Variants in TLN2 observed in about 807,000 individuals in gnomAD.
TLN2 encodes talin-2.
A neutral mutation model predicts 294.7 loss-of-function variants in TLN2; 118 were observed. The ratio of observed to expected loss-of-function variants is 0.40; its 90% CI spans 0.34 to 0.47. The LOEUF (loss-of-function observed/expected upper bound fraction) is 0.47. Among genes scored for constraint, TLN2 ranks in the 20% least tolerant of loss-of-function variants. The pLI is 0.84. For synonymous variants in TLN2, 1,431 were observed against 1,304.5 expected, an observed-to-expected ratio of 1.10 and a Z score of -2.09; for missense variants, 3,083 against 3,282.2, an observed-to-expected ratio of 0.94 and a Z score of 1.48.
intron 1 of TLN2, among the ~76,000 whole-genome samples, chr15:62,505,091 G>C (rs2039535742): frequency 1.3e-5 from 2 of 151,960 alleles, no homozygotes; most frequent in African/African-American, 2.4e-5. Context: ...CGAGTAGCTG[G>C]GATTACAGGC....
chr15:62,576,333 A>C (rs1025012223), intron 1 of TLN2, among the ~76,000 whole-genome samples: 9 of 152,166 alleles, frequency 5.9e-5, no homozygotes, highest in African/African-American at 2.2e-4. Context: ...GGGAGATGAT[A>C]TGTAACATGT....
At chr15:62,400,798 G>A (rs948383155) in intron 1 of TLN2, among the ~76,000 whole-genome samples, 2 of 151,006 alleles carry the variant, frequency 1.3e-5, no homozygotes, top group African/African-American at 4.9e-5. Context: ...GTCAGCAAAG[G>A]GGTTATGTTT....
At chr15:62,556,120 G>A (rs1192849568) in intron 1 of TLN2, among the ~76,000 whole-genome samples, 1 of 150,290 alleles carries the variant, frequency 6.7e-6, no homozygotes, top group Non-Finnish European at 1.5e-5. Flanking sequence ...CTCCATTATT[G>A]TATCTTTTTG....
intron 43 of TLN2, among the ~76,000 whole-genome samples, chr15:62,779,717 G>A (rs2063985233): frequency 6.6e-6 from 1 of 152,246 alleles, no homozygotes; most frequent in African/African-American, 2.4e-5. Flanking sequence ...GCAAGTGAAT[G>A]AGTATGCAAT....
intron 1 of TLN2, among the ~76,000 whole-genome samples, chr15:62,522,723 A>G (rs1166462006): frequency 6.6e-6 from 1 of 151,434 alleles, no homozygotes; most frequent in East Asian, 1.9e-4. Context: ...TTCTTGTTGT[A>G]TTTTTTTCTG....
intron 9 of TLN2, among the ~76,000 whole-genome samples, chr15:62,669,641 T>C (rs4775526): frequency 0.94 from 143,398 of 152,206 alleles, 68,054 homozygotes; most frequent in Non-Finnish European, 1. Flanking sequence ...TCAACTTTGA[T>C]AGTCTGACCC....
chr15:62,420,888 T>C (rs1595763638), intron 1 of TLN2, among the ~76,000 whole-genome samples: 1 of 152,124 alleles, frequency 6.6e-6, no homozygotes, highest in African/African-American at 2.4e-5. Context: ...AAGATAAGGG[T>C]AATCACTCCA....
At chr15:62,465,594 G>A (rs1198422183) in intron 1 of TLN2, among the ~76,000 whole-genome samples, 1 of 152,306 alleles carries the variant, frequency 6.6e-6, no homozygotes, top group African/African-American at 2.4e-5. Flanking sequence ...GTAAACAGCT[G>A]GAGCCAATGG....
At chr15:62,491,276 G>A (rs578044359) in intron 1 of TLN2, among the ~76,000 whole-genome samples, 62 of 149,106 alleles carry the variant, frequency 4.2e-4, no homozygotes, top group African/African-American at 1.4e-3. Flanking sequence ...GTGATGAGCC[G>A]AAATTGTGCC....
chr15:62,657,640 CAT>C lies in TLN2; in HGVS notation c.661-130_661-129del. 5 of 1,383,832 alleles carry C rather than the reference CAT, an allele frequency of 3.6e-6. No homozygotes were observed. The South Asian group carries it at 6.4e-5, about 18-fold the overall frequency. 85.7% of individuals were successfully genotyped at this position (1,383,832 alleles called of 1,614,324 possible). A position where few individuals can be genotyped will look rare whatever the true frequency, so the allele number is the denominator to read the frequency against. On this transcript the variant is annotated intron_variant, in intron 8 of 58. Transcript: ENST00000636159. ...CGGTGATCATCCACTGTGTCCTGCA[CAT>C]GTCACCGTGGGTTGGCTGGCACTGT...
chr15:62,444,393 TAGG>T, intron 1 of TLN2, among the ~76,000 whole-genome samples: 1 of 152,402 alleles, frequency 6.6e-6, no homozygotes, highest in Admixed American at 6.5e-5. Flanking sequence ...TGAAGCGGCA[TAGG>T]CCTTTGTCTT....
chr15:62,414,119 A>G (rs1340203106), intron 1 of TLN2, among the ~76,000 whole-genome samples: 6 of 123,218 alleles, frequency 4.9e-5, no homozygotes, highest in African/African-American at 1.7e-4. Flanking sequence ...TCATAATCAC[A>G]TGTCATATTG....
At chr15:62,820,417 G>A (rs2067463502) in intron 53 of TLN2, 69 bp from the exon 54 acceptor site, 8 of 1,570,870 alleles carry the variant, frequency 5.1e-6, no homozygotes, top group Middle Eastern at 1.7e-4. Flanking sequence ...TCCAGATAGT[G>A]TTTTTAATTA....
At chr15:62,562,906 TCACACACACACACACACACACACACACA>T (rs61578830) in intron 1 of TLN2, among the ~76,000 whole-genome samples, 72 of 99,320 alleles carry the variant, frequency 7.2e-4, no homozygotes, top group East Asian at 4.3e-3. Context: ...TAGTATTCCA[TCACACACACACACACACACACACACACA>T]CACACACACA....
Position 62,405,436 on chromosome 15 carries a change from G to A in TLN2, c.-238+14751G>A, listed in dbSNP as rs181480741. ...AACACCCATCTCAACTGACTGTGTC[G>A]CAGTTTGCTCCTCACTCCTGCACCG... is the stretch of plus-strand genomic sequence containing the variant. On this transcript the variant is annotated intron_variant, in intron 1 of 58. Coordinates refer to ENST00000636159, the MANE Select transcript of TLN2 (RefSeq NM_015059.3). Among the ~76,000 whole-genome samples the A allele has an allele frequency of 4.0e-4, 61 of 152,264 alleles. 1 individual carries two copies. The highest frequency in any genetic ancestry group is 1.3e-3 in the African/African-American group (56 of 41,566).
intron 1 of TLN2, among the ~76,000 whole-genome samples, chr15:62,429,973 A>G (rs190490110): frequency 2.0e-5 from 3 of 152,176 alleles, no homozygotes; most frequent in African/African-American, 7.2e-5. Flanking sequence ...TTCCTGAGAG[A>G]CCTGGCCCGA....
chr15:62,711,930 G>A lies in TLN2; in HGVS notation c.2487G>A (p.Ala829=), dbSNP rs116474698. The change falls in exon 22 of 59, where the codon GCG becomes GCA. Residue 829 remains alanine (A), a synonymous_variant. Coordinates refer to ENST00000636159, the MANE Select transcript of TLN2 (RefSeq NM_015059.3). ...MGDAGEMVRQ[A]RVLAQATSDL... is the part of the protein sequence containing the mutation. ...TTCTAGGTGAAATGGTGCGCCAGGC[G>A]CGGGTTCTGGCCCAAGCCACATCAG... The A allele has an allele frequency of 5.0e-4, 797 of 1,608,814 alleles. 7 individuals are homozygous for A. In the African/African-American group the frequency reaches 9.7e-3, roughly 20 times the overall value.
chr15:62,422,394 A>G (rs2034464146), intron 1 of TLN2, among the ~76,000 whole-genome samples: 1 of 152,270 alleles, frequency 6.6e-6, no homozygotes, highest in East Asian at 1.9e-4. Context: ...TATTCCCTAA[A>G]TGGACACACT....
At chr15:62,721,918 A>G (rs2060172683) in intron 25 of TLN2, among the ~76,000 whole-genome samples, 1 of 152,156 alleles carries the variant, frequency 6.6e-6, no homozygotes, top group Non-Finnish European at 1.5e-5. Flanking sequence ...TTCACTGGCG[A>G]AGTTATTTTG....
Sources: gnomAD v4.1 joint callset for allele counts (sites outside exome capture counted in the v4.1 genomes callset) on GRCh38, gnomAD v4.1.1 for gene constraint, MANE v1.5 for transcripts, NCBI Gene and HGNC (gene_info 2026-07-23, HGNC 2026-07-21) for gene names.